The following TRDN variants were observed in gnomAD, a reference collection of about 807,000 sequenced individuals.
TRDN encodes the protein triadin in skeletal muscle.
TRDN carries 161 observed loss-of-function variants against 149.7 expected under a neutral mutation model. The observed-to-expected ratio is 1.08, with a 90% CI of 0.95 to 1.23. The LOEUF is 1.23. TRDN is among the 50% of genes most tolerant of loss of function. TRDN has a pLI of 0.00. For missense variants in TRDN, 896 were observed against 823.5 expected (o/e 1.09, Z -1.08); for synonymous variants, 294 against 250.5 (o/e 1.17, Z -1.64).
intron 12 of TRDN, among the ~76,000 whole-genome samples, chr6:123,408,120 T>A (rs1237367404): frequency 6.6e-6 from 1 of 152,140 alleles, no homozygotes; most frequent in Non-Finnish European, 1.5e-5. Flanking sequence ...AATCAGTACA[T>A]TGAAATACAA....
rs76177651 is a variant in TRDN, at chr6:123,410,738, G to A, written c.1052-17061C>T. Among the ~76,000 whole-genome samples the A allele has an allele frequency of 2.7e-3, 404 of 152,130 alleles. 8 individuals carry two copies. The East Asian group carries it at 0.05, about 19-fold the overall frequency. On this transcript the variant is annotated intron_variant, in intron 12 of 40. Coordinates refer to ENST00000334268, the MANE Select transcript of TRDN (RefSeq NM_006073.4). Reference sequence around the variant, plus strand: ...CACAAATATTAGTATTTAAGAGTCAGCTTTGAGGGTGAAATAGAATGTGTA... The same window carrying A: ...CACAAATATTAGTATTTAAGAGTCAACTTTGAGGGTGAAATAGAATGTGTA...
intron 1 of TRDN, among the ~76,000 whole-genome samples, chr6:123,572,074 G>T (rs1308311051): frequency 1.3e-5 from 2 of 152,020 alleles, no homozygotes; most frequent in Non-Finnish European, 2.9e-5. Flanking sequence ...TAAAAATTGT[G>T]CATGCCAGTA....
At chr6:123,448,664 A>G (rs149562864) in intron 10 of TRDN, among the ~76,000 whole-genome samples, 4 of 150,410 alleles carry the variant, frequency 2.7e-5, no homozygotes, top group Non-Finnish European at 4.5e-5. Flanking sequence ...AGGTAGCAGA[A>G]GACAAAAGGC....
chr6:123,330,889 C>T (rs1339213762), intron 23 of TRDN, among the ~76,000 whole-genome samples: 1 of 152,002 alleles, frequency 6.6e-6, no homozygotes, highest in African/African-American at 2.4e-5. Context: ...CCAATCCATG[C>T]TTATGTAAGC....
chr6:123,354,643 C>A (rs1391685904), intron 20 of TRDN, among the ~76,000 whole-genome samples: 1 of 151,274 alleles, frequency 6.6e-6, no homozygotes, highest in Non-Finnish European at 1.5e-5. Flanking sequence ...GGAATTCATC[C>A]CAGAGAAACA....
At chr6:123,526,431 C>T (rs61218751) in intron 5 of TRDN, among the ~76,000 whole-genome samples, 2,453 of 151,666 alleles carry the variant, frequency 0.016, 72 homozygotes, top group African/African-American at 0.055. Context: ...TCAGCAGGCA[C>T]CAAAGAACAA....
At chr6:123,485,634 C>A (rs1019673938) in intron 9 of TRDN, among the ~76,000 whole-genome samples, 1 of 152,002 alleles carries the variant, frequency 6.6e-6, no homozygotes, top group Non-Finnish European at 1.5e-5. Context: ...TATATGGGAA[C>A]CACCATCCAC....
intron 38 of TRDN, among the ~76,000 whole-genome samples, chr6:123,236,517 CTT>C (rs1213445230): frequency 6.6e-6 from 1 of 152,052 alleles, no homozygotes; most frequent in African/African-American, 2.4e-5. Flanking sequence ...TCTTGTAACT[CTT>C]TGTCTAATGT....
At chr6:123,345,653 T>C (rs892836822) in intron 21 of TRDN, among the ~76,000 whole-genome samples, 1 of 152,084 alleles carries the variant, frequency 6.6e-6, no homozygotes, top group Non-Finnish European at 1.5e-5. Flanking sequence ...TTAGGAAGAA[T>C]TGGCAGCTTG....
intron 12 of TRDN, among the ~76,000 whole-genome samples, chr6:123,428,702 G>T (rs1276748800): frequency 2.0e-5 from 3 of 152,032 alleles, no homozygotes; most frequent in African/African-American, 7.2e-5. Context: ...ATAGGTCGGT[G>T]GTGTCCCTGT....
intron 7 of TRDN, among the ~76,000 whole-genome samples, chr6:123,511,729 A>G (rs1197753974): frequency 6.6e-6 from 1 of 152,190 alleles, no homozygotes; most frequent in Admixed American, 6.6e-5. Flanking sequence ...CACGAGGCTG[A>G]AATCAAGTTG....
chr6:123,563,424 CT>C (rs1562391494), intron 2 of TRDN, among the ~76,000 whole-genome samples: 1 of 152,140 alleles, frequency 6.6e-6, no homozygotes, highest in African/African-American at 2.4e-5. Flanking sequence ...TCATATTGTA[CT>C]TTTATTAATA....
At chr6:123,346,010 C>T (rs1780232896) in intron 21 of TRDN, among the ~76,000 whole-genome samples, 1 of 151,964 alleles carries the variant, frequency 6.6e-6, no homozygotes, top group African/African-American at 2.4e-5. Flanking sequence ...AACTTGTACA[C>T]CATTTATTTC....
At chr6:123,629,926 C>A (rs956255961) in intron 1 of TRDN, among the ~76,000 whole-genome samples, 2 of 152,064 alleles carry the variant, frequency 1.3e-5, no homozygotes, top group African/African-American at 4.8e-5. Flanking sequence ...TCATCTGTCT[C>A]TGCATAACCC....
chr6:123,278,074 A>G lies in TRDN; in HGVS notation c.1567+244T>C, dbSNP rs182970011. On this transcript the variant is annotated intron_variant, in intron 26 of 40. Transcript: ENST00000334268. ...GAAAATCTTGGTTTTGTGGGAATCA[A>G]TTCAATTACTTAGTTACTTCTTCTG... Among the ~76,000 whole-genome samples, 381 of 152,292 alleles carry G rather than the reference A, an allele frequency of 2.5e-3. 1 individual carries two copies. The Middle Eastern group carries it at 0.031, about 12-fold the overall frequency.
chr6:123,502,870 T>C (rs1490554749), intron 8 of TRDN: 12 of 984,868 alleles, frequency 1.2e-5, no homozygotes, highest in Non-Finnish European at 1.4e-5. Flanking sequence ...TGTAAAGGAG[T>C]CTCAGGATTA....
intron 12 of TRDN, among the ~76,000 whole-genome samples, chr6:123,429,567 T>A (rs1774251562): frequency 6.6e-6 from 1 of 152,148 alleles, no homozygotes; most frequent in African/African-American, 2.4e-5. Flanking sequence ...TAAATATGTA[T>A]CTCAAGTCAC....
chr6:123,592,562 A>C (rs1482351388), intron 1 of TRDN, among the ~76,000 whole-genome samples: 4 of 152,130 alleles, frequency 2.6e-5, no homozygotes, highest in Non-Finnish European at 2.9e-5. Flanking sequence ...CATTTCAAAT[A>C]GCTTATCTGA....
intron 12 of TRDN, among the ~76,000 whole-genome samples, chr6:123,407,113 C>T (rs1582979920): frequency 6.6e-6 from 1 of 152,184 alleles, no homozygotes; most frequent in East Asian, 1.9e-4. Flanking sequence ...TGAAAAAAGA[C>T]ACCATTGTTT....
Sources: gnomAD v4.1 joint callset for allele counts (sites outside exome capture counted in the v4.1 genomes callset) on GRCh38, gnomAD v4.1.1 for gene constraint, MANE v1.5 for transcripts, NCBI Gene and HGNC (gene_info 2026-07-23, HGNC 2026-07-21) for gene names.